The following ASTN2 variants were observed in gnomAD, a reference collection of about 807,000 sequenced individuals.
ASTN2 encodes astrotactin 2.
In ASTN2, 54 loss-of-function variants were observed where a neutral mutation model predicts 139.8. The ratio of observed to expected loss-of-function variants is 0.39; its 90% CI spans 0.31 to 0.48. The LOEUF is 0.48. Among genes scored for constraint, ASTN2 ranks in the 20% least tolerant of loss-of-function variants. The pLI, the probability that ASTN2 is intolerant of heterozygous loss-of-function variation, is 0.95. For synonymous variants in ASTN2, 756 were observed against 719.5 expected (o/e 1.05, Z -0.81); for missense variants, 1,565 against 1,725.1 (o/e 0.91, Z 1.64).
At chr9:117,212,604 A>G (rs1832173889) in intron 3 of ASTN2, among the ~76,000 whole-genome samples, 1 of 151,458 alleles carries the variant, frequency 6.6e-6, no homozygotes, top group Admixed American at 6.6e-5. Flanking sequence ...AAAACCCTCC[A>G]ATCTAATAAA....
chr9:116,785,759 T>A (rs1017909890), intron 13 of ASTN2, among the ~76,000 whole-genome samples: 1 of 152,182 alleles, frequency 6.6e-6, no homozygotes, highest in African/African-American at 2.4e-5. Flanking sequence ...CTCTCCATGC[T>A]GACTTGTCTG....
intron 3 of ASTN2, among the ~76,000 whole-genome samples, chr9:117,159,012 T>G (rs1053112838): frequency 6.6e-6 from 1 of 151,962 alleles, no homozygotes; most frequent in Non-Finnish European, 1.5e-5. Flanking sequence ...ACAGTCCTCA[T>G]TCACTTCCAA....
At chr9:117,186,462 G>T (rs1409243326) in intron 3 of ASTN2, among the ~76,000 whole-genome samples, 1 of 152,106 alleles carries the variant, frequency 6.6e-6, no homozygotes, top group Non-Finnish European at 1.5e-5. Context: ...CAGGAGAATG[G>T]TGCGGGCCTG....
chr9:116,515,217 C>A (rs559018830), intron 19 of ASTN2, among the ~76,000 whole-genome samples: 2 of 152,318 alleles, frequency 1.3e-5, no homozygotes, highest in Non-Finnish European at 1.5e-5. Context: ...CTAGCTTTCC[C>A]TGTGTTTTCT....
At chr9:116,844,641 C>CATAGTA in intron 11 of ASTN2, among the ~76,000 whole-genome samples, 1 of 151,356 alleles carries the variant, frequency 6.6e-6, no homozygotes, top group South Asian at 2.1e-4. Context: ...ATGTCCCTAA[C>CATAGTA]ATAGTATCTA....
intron 16 of ASTN2, among the ~76,000 whole-genome samples, chr9:116,680,051 C>T (rs1358577653): frequency 6.6e-6 from 1 of 151,894 alleles, no homozygotes; most frequent in Non-Finnish European, 1.5e-5. Flanking sequence ...AATAGAGACA[C>T]AAAAAACCCT....
At chr9:117,262,620 C>G (rs1004772896) in intron 2 of ASTN2, among the ~76,000 whole-genome samples, 1 of 152,034 alleles carries the variant, frequency 6.6e-6, no homozygotes, top group African/African-American at 2.4e-5. Context: ...TTTGTATTAA[C>G]AGCAGGAAGG....
intron 1 of ASTN2, among the ~76,000 whole-genome samples, chr9:117,321,378 G>A (rs1490925964): frequency 6.6e-6 from 1 of 152,096 alleles, no homozygotes; most frequent in East Asian, 1.9e-4. Context: ...CCTCTCTCTG[G>A]CCTTCCCAAC....
At chr9:117,257,966 T>A (rs1434066627) in intron 2 of ASTN2, among the ~76,000 whole-genome samples, 2 of 152,166 alleles carry the variant, frequency 1.3e-5, no homozygotes, top group East Asian at 3.9e-4. Context: ...AGGTTATAGG[T>A]TTTTTTGTTG....
At chr9:117,340,331 CAAAAAAAAAAAAAA>C (rs56228779) in intron 1 of ASTN2, among the ~76,000 whole-genome samples, 1 of 40,190 alleles carries the variant, frequency 2.5e-5, no homozygotes, top group Non-Finnish European at 4.1e-5. Flanking sequence ...GACTCAGTCT[CAAAAAAAAAAAAAA>C]AAAAAAAAAA....
chr9:116,890,195 C>T (rs1361157632), intron 10 of ASTN2, among the ~76,000 whole-genome samples: 1 of 152,174 alleles, frequency 6.6e-6, no homozygotes, highest in Non-Finnish European at 1.5e-5. Context: ...CCTGTCTATG[C>T]CAAAGGGGAC....
intron 19 of ASTN2, chr9:116,586,066 C>T (rs1854133642): frequency 6.6e-6 from 1 of 152,184 alleles, no homozygotes; most frequent in Non-Finnish European, 1.5e-5. Context: ...TACTAGTCAT[C>T]AGAGAAACAG....
At chr9:116,865,237 T>G (rs775866704) in intron 10 of ASTN2, among the ~76,000 whole-genome samples, 7 of 151,498 alleles carry the variant, frequency 4.6e-5, no homozygotes, top group Non-Finnish European at 8.8e-5. Flanking sequence ...TTGGGAGGCC[T>G]AGGAAGGAGG....
At chr9:116,785,023 T>A (rs1830330718) in intron 13 of ASTN2, among the ~76,000 whole-genome samples, 1 of 151,972 alleles carries the variant, frequency 6.6e-6, no homozygotes, top group Non-Finnish European at 1.5e-5. Flanking sequence ...CCTGTCTCCA[T>A]CCTTTACCAG....
At chr9:116,428,253 C>T (rs895936246) in intron 22 of ASTN2, among the ~76,000 whole-genome samples, 3 of 152,194 alleles carry the variant, frequency 2.0e-5, no homozygotes, top group Non-Finnish European at 4.4e-5. Flanking sequence ...TGGCCGGGCA[C>T]GGCGGCTCAT....
chr9:117,407,528 T>C (rs1003969936), intron 1 of ASTN2, among the ~76,000 whole-genome samples: 2 of 152,204 alleles, frequency 1.3e-5, no homozygotes, highest in Non-Finnish European at 2.9e-5. Flanking sequence ...TACAACATGC[T>C]TGTCAAATTT....
chr9:116,539,373 C>A (rs186780010), intron 19 of ASTN2, among the ~76,000 whole-genome samples: 2 of 145,368 alleles, frequency 1.4e-5, no homozygotes, highest in Admixed American at 1.4e-4. Flanking sequence ...TTAAAAAAAT[C>A]TATGAGGGAG....
intron 2 of ASTN2, among the ~76,000 whole-genome samples, chr9:117,225,535 G>GTATATA (rs58184768): frequency 1.6e-4 from 10 of 63,954 alleles, no homozygotes; most frequent in African/African-American, 4.4e-4. Context: ...CAAGCTGTAT[G>GTATATA]TATATATATA....
chr9:116,524,231 C>T (rs1486069572), intron 19 of ASTN2, among the ~76,000 whole-genome samples: 2 of 151,882 alleles, frequency 1.3e-5, no homozygotes, highest in Non-Finnish European at 2.9e-5. Flanking sequence ...GCGTCCCTCA[C>T]CAGAGTGGGA....
Sources: gnomAD v4.1 joint callset for allele counts (sites outside exome capture counted in the v4.1 genomes callset) on GRCh38, gnomAD v4.1.1 for gene constraint, MANE v1.5 for transcripts, NCBI Gene and HGNC (gene_info 2026-07-23, HGNC 2026-07-21) for gene names.